The following PITPNC1 variants were observed in gnomAD, a reference collection of about 807,000 sequenced individuals.
PITPNC1 encodes the protein cytoplasmic phosphatidylinositol transfer protein 1.
A neutral mutation model predicts 44.7 loss-of-function variants in PITPNC1; 18 were observed. That is an observed-to-expected ratio of 0.40 (90% CI 0.28 to 0.60). PITPNC1 has a LOEUF of 0.60. Among genes scored for constraint, PITPNC1 ranks in the 20% least tolerant of loss-of-function variants. PITPNC1 has a pLI of 0.39. For synonymous variants in PITPNC1, 141 were observed against 149.6 expected (o/e 0.94, Z 0.42); for missense variants, 290 against 418.4 (o/e 0.69, Z 2.68).
intron 5 of PITPNC1, among the ~76,000 whole-genome samples, chr17:67,595,937 C>T (rs911560388): frequency 6.6e-6 from 1 of 151,982 alleles, no homozygotes; most frequent in African/African-American, 2.4e-5. Context: ...TTAGCTATGC[C>T]GATCAGATGA....
At chr17:67,659,863 T>A (rs1334842451) in intron 6 of PITPNC1, among the ~76,000 whole-genome samples, 1 of 152,162 alleles carries the variant, frequency 6.6e-6, no homozygotes, top group African/African-American at 2.4e-5. Context: ...CCACAATCTA[T>A]GCCATAAATC....
chr17:67,424,853 G>T (rs775418400), intron 1 of PITPNC1, among the ~76,000 whole-genome samples: 2 of 151,858 alleles, frequency 1.3e-5, no homozygotes, highest in Non-Finnish European at 2.9e-5. Context: ...TGTGACCTTC[G>T]TGTATACATC....
chr17:67,537,790 T>C (rs1188093053), intron 2 of PITPNC1, among the ~76,000 whole-genome samples: 4 of 142,148 alleles, frequency 2.8e-5, no homozygotes, highest in African/African-American at 1.1e-4. Context: ...GCTAATATGG[T>C]GGAACCCCGT....
intron 1 of PITPNC1, among the ~76,000 whole-genome samples, chr17:67,461,629 G>C (rs2039339148): frequency 6.6e-6 from 1 of 152,134 alleles, no homozygotes; most frequent in African/African-American, 2.4e-5. Context: ...TTGTCTTAAA[G>C]AATCTTAGAA....
At chr17:67,536,240 A>G (rs2040525482) in intron 2 of PITPNC1, among the ~76,000 whole-genome samples, 1 of 152,246 alleles carries the variant, frequency 6.6e-6, no homozygotes, top group Non-Finnish European at 1.5e-5. Context: ...TTTAGGAATT[A>G]GAAAAAAATA....
intron 1 of PITPNC1, among the ~76,000 whole-genome samples, chr17:67,415,567 G>A (rs937664783): frequency 3.9e-5 from 6 of 152,270 alleles, no homozygotes; most frequent in African/African-American, 1.4e-4. Flanking sequence ...AATGTACTAT[G>A]TAGTTAACTT....
At chr17:67,572,475 G>GT (rs1427648008) in intron 4 of PITPNC1, among the ~76,000 whole-genome samples, 4 of 116,624 alleles carry the variant, frequency 3.4e-5, no homozygotes, top group Non-Finnish European at 5.3e-5. Context: ...AAGCGGGGGG[G>GT]GGGGGTAAAG....
At chr17:67,476,608 G>A (rs574050701) in intron 1 of PITPNC1, among the ~76,000 whole-genome samples, 5 of 152,118 alleles carry the variant, frequency 3.3e-5, no homozygotes, top group African/African-American at 7.2e-5. Context: ...AAAAATCTTA[G>A]TGGTTGGCTT....
At chr17:67,621,857 G>A (rs976279824) in intron 5 of PITPNC1, among the ~76,000 whole-genome samples, 1 of 152,094 alleles carries the variant, frequency 6.6e-6, no homozygotes, top group East Asian at 1.9e-4. Flanking sequence ...GCTCACACCC[G>A]TAATCCTAAC....
intron 5 of PITPNC1, among the ~76,000 whole-genome samples, chr17:67,579,808 C>T (rs988962963): frequency 9.2e-5 from 14 of 151,720 alleles, no homozygotes; most frequent in Non-Finnish European, 1.8e-4. Flanking sequence ...GGCGTGGTGG[C>T]GCATGCCTGT....
intron 5 of PITPNC1, among the ~76,000 whole-genome samples, chr17:67,628,254 A>AT (rs1229787658): frequency 6.6e-6 from 1 of 151,886 alleles, no homozygotes; most frequent in Non-Finnish European, 1.5e-5. Flanking sequence ...TCTGCCTTGT[A>AT]TTTTTGGTGA....
intron 8 of PITPNC1, among the ~76,000 whole-genome samples, chr17:67,685,552 C>T (rs1261394526): frequency 6.6e-6 from 1 of 152,162 alleles, no homozygotes; most frequent in African/African-American, 2.4e-5. Flanking sequence ...TGTGAATGCC[C>T]ACTCTAAATC....
At chr17:67,387,525 G>C (rs1007250985) in intron 1 of PITPNC1, among the ~76,000 whole-genome samples, 2 of 152,136 alleles carry the variant, frequency 1.3e-5, no homozygotes, top group African/African-American at 2.4e-5. Context: ...AATTAGCTGG[G>C]CATGGTGGTG....
At chr17:67,661,528 G>T (rs543688710) in intron 6 of PITPNC1, among the ~76,000 whole-genome samples, 91 of 152,252 alleles carry the variant, frequency 6.0e-4, no homozygotes, top group African/African-American at 2.0e-3. Flanking sequence ...GAAGCTCAGG[G>T]AACCCTGATC....
At chr17:67,637,135 T>TGGGA (rs2042042848) in intron 6 of PITPNC1, among the ~76,000 whole-genome samples, 1 of 152,224 alleles carries the variant, frequency 6.6e-6, no homozygotes, top group South Asian at 2.1e-4. Flanking sequence ...ACAGCACCAG[T>TGGGA]GCTTAGCAGG....
intron 6 of PITPNC1, among the ~76,000 whole-genome samples, chr17:67,664,675 G>A (rs1392297653): frequency 1.3e-5 from 2 of 152,050 alleles, no homozygotes; most frequent in Non-Finnish European, 2.9e-5. Flanking sequence ...AGGTCGAGGC[G>A]GGCAGATCAC....
intron 1 of PITPNC1, among the ~76,000 whole-genome samples, chr17:67,529,083 C>A (rs766577590): frequency 1.3e-5 from 2 of 152,076 alleles, no homozygotes; most frequent in Non-Finnish European, 2.9e-5. Context: ...ACACTGACGC[C>A]GTCTCAGTGA....
At chr17:67,654,503 A>G (rs2042242178) in intron 6 of PITPNC1, among the ~76,000 whole-genome samples, 1 of 152,326 alleles carries the variant, frequency 6.6e-6, no homozygotes, top group South Asian at 2.1e-4. Context: ...AGCATCTCTC[A>G]GGGCATCCTT....
intron 6 of PITPNC1, among the ~76,000 whole-genome samples, chr17:67,640,034 A>G (rs1164200442): frequency 2.0e-5 from 3 of 151,558 alleles, no homozygotes; most frequent in Admixed American, 6.6e-5. Context: ...CAGCTGCCTC[A>G]TGCCGGGGTA....
Sources: allele counts gnomAD v4.1 joint callset (sites outside exome capture counted in the v4.1 genomes callset), GRCh38; gene constraint gnomAD v4.1.1; transcripts MANE v1.5; gene names NCBI Gene and HGNC (gene_info 2026-07-23, HGNC 2026-07-21).